Variants in DCC observed in about 807,000 individuals in gnomAD.
The protein encoded by DCC is DCC netrin 1 receptor.
A neutral mutation model predicts 172.5 loss-of-function variants in DCC; 58 were observed. The ratio of observed to expected loss-of-function variants is 0.34; its 90% confidence interval spans 0.27 to 0.42. The LOEUF (loss-of-function observed/expected upper bound fraction) is 0.42. Ranked by LOEUF, DCC falls within the 10% of genes least tolerant of loss-of-function variation. DCC has a pLI of 1.00. For synonymous variants in DCC, 709 were observed against 644.5 expected (o/e 1.10, Z -1.52); for missense variants, 1,740 against 1,791.0 (o/e 0.97, Z 0.51).
chr18:52,438,862 T>G (rs1234080857), intron 1 of DCC, among the ~76,000 whole-genome samples: 1 of 152,102 alleles, frequency 6.6e-6, no homozygotes, highest in Admixed American at 6.5e-5. Context: ...TTTAGGTAAA[T>G]TACTTATAGT....
chr18:53,093,373 G>A (rs2043041232), intron 7 of DCC, among the ~76,000 whole-genome samples: 1 of 152,122 alleles, frequency 6.6e-6, no homozygotes, highest in African/African-American at 2.4e-5. Flanking sequence ...CTATTGCATA[G>A]CACATCTTAT....
rs562073060 is a variant in DCC at position 52,898,221 on chromosome 18, T to C, written c.413-7823T>C. 1.2e-3 allele frequency among the ~76,000 whole-genome samples: 189 copies of C among 152,338 alleles called. 1 individual carries two copies. The highest frequency in any genetic ancestry group is 4.3e-3 in the African/African-American group (179 of 41,580). The stretch of plus-strand genomic sequence containing the variant: ...GTCTGTCCCCCAATTGATAAGTCTC[T>C]TTTTATTAAATGAACTTTAATTACT... On this transcript the variant is annotated intron_variant, in intron 2 of 28. Transcript: ENST00000442544.
At chr18:53,146,545 A>C (rs905459205) in intron 7 of DCC, among the ~76,000 whole-genome samples, 1 of 152,218 alleles carries the variant, frequency 6.6e-6, no homozygotes, top group Non-Finnish European at 1.5e-5. Flanking sequence ...AAGGCCATAC[A>C]TCCCAATACT....
Position 52,508,977 on chromosome 18 carries a change from C to T in DCC, c.91+168099C>T, listed in dbSNP as rs555666402. ...GCGACTGGCGTCACTGACTGAAATG[C>T]GGGTCTTCAATTTTATTTCACTTTA... On this transcript the variant is annotated intron_variant, in intron 1 of 28. Transcript: ENST00000442544. Among the ~76,000 whole-genome samples, 506 of 152,276 alleles carry T rather than the reference C, an allele frequency of 3.3e-3. 2 individuals carry two copies. Among genetic ancestry groups the T allele is most frequent in the Non-Finnish European group, 5.8e-3 (395 of 68,016 alleles).
chr18:52,759,822 C>A (rs2037130824), intron 2 of DCC, among the ~76,000 whole-genome samples: 1 of 152,052 alleles, frequency 6.6e-6, no homozygotes, highest in African/African-American at 2.4e-5. Context: ...AAAAGCATAA[C>A]AAATTTATTT....
At chr18:52,342,280 CGTGT>C (rs10535247) in intron 1 of DCC, among the ~76,000 whole-genome samples, 47,398 of 150,160 alleles carry the variant, frequency 0.32, 7,479 homozygotes, top group East Asian at 0.46. Flanking sequence ...TGTGTGTGTG[CGTGT>C]GTGTGTGTGT....
At chr18:53,410,321 G>A (rs1909905899) in intron 19 of DCC, 131 bp from the exon 20 acceptor site, 2 of 689,858 alleles carry the variant, frequency 2.9e-6, no homozygotes, top group South Asian at 3.2e-5. Flanking sequence ...ATTACTTACA[G>A]AACTGCTGTA....
intron 5 of DCC, among the ~76,000 whole-genome samples, chr18:53,024,744 T>G (rs934916316): frequency 2.6e-5 from 4 of 152,118 alleles, no homozygotes; most frequent in African/African-American, 7.2e-5. Context: ...CCTTGTAAAA[T>G]AGGTAAGTAT....
intron 1 of DCC, among the ~76,000 whole-genome samples, chr18:52,597,102 T>C (rs2033924146): frequency 7.1e-6 from 1 of 140,996 alleles, no homozygotes; most frequent in African/African-American, 2.5e-5. Context: ...GGTGAAATTC[T>C]TTCTATTTTT....
chr18:53,398,939 C>G (rs1183732365), intron 18 of DCC, among the ~76,000 whole-genome samples: 1 of 152,080 alleles, frequency 6.6e-6, no homozygotes, highest in Non-Finnish European at 1.5e-5. Flanking sequence ...GAAGGAAATT[C>G]AGTGAATAAA....
chr18:52,360,543 C>G (rs1210848537), intron 1 of DCC, among the ~76,000 whole-genome samples: 1 of 152,182 alleles, frequency 6.6e-6, no homozygotes, highest in Admixed American at 6.5e-5. Flanking sequence ...AACCATGTAG[C>G]GTGGTCTTGC....
At chr18:52,637,394 A>G (rs906290952) in intron 1 of DCC, among the ~76,000 whole-genome samples, 2 of 152,224 alleles carry the variant, frequency 1.3e-5, no homozygotes, top group African/African-American at 4.8e-5. Context: ...GACAAAGCCA[A>G]ATGCAAGGAA....
chr18:53,109,596 C>T (rs970181768), intron 7 of DCC, among the ~76,000 whole-genome samples: 2 of 131,054 alleles, frequency 1.5e-5, no homozygotes, highest in African/African-American at 5.5e-5. Context: ...CTCCTTCCTT[C>T]CTTCCTTCTT....
chr18:53,419,271 G>A (rs1441675880), intron 21 of DCC, among the ~76,000 whole-genome samples: 1 of 152,116 alleles, frequency 6.6e-6, no homozygotes, highest in African/African-American at 2.4e-5. Context: ...ATCCCTTGAA[G>A]CATTTATCTG....
chr18:53,335,892 A>G (rs2057586109), intron 14 of DCC, among the ~76,000 whole-genome samples: 1 of 152,090 alleles, frequency 6.6e-6, no homozygotes, highest in Non-Finnish European at 1.5e-5. Context: ...TGTGCAGGGA[A>G]AGTCCCCTTT....
chr18:53,350,896 T>C (rs1157196049), intron 15 of DCC, among the ~76,000 whole-genome samples: 1 of 151,942 alleles, frequency 6.6e-6, no homozygotes, highest in Admixed American at 6.6e-5. Flanking sequence ...TAGAAAATCT[T>C]GACTGACAGA....
chr18:52,690,993 A>G (rs2035921752), intron 1 of DCC, among the ~76,000 whole-genome samples: 1 of 152,130 alleles, frequency 6.6e-6, no homozygotes, highest in Non-Finnish European at 1.5e-5. Flanking sequence ...TCCAGGGAAT[A>G]GTCATATTAT....
chr18:52,846,977 C>T (rs534220792), intron 2 of DCC, among the ~76,000 whole-genome samples: 11 of 152,198 alleles, frequency 7.2e-5, no homozygotes, highest in African/African-American at 2.6e-4. Context: ...GCCTGCCTGA[C>T]TTCAATATGT....
intron 1 of DCC, among the ~76,000 whole-genome samples, chr18:52,469,560 C>A (rs1207076543): frequency 2.0e-5 from 3 of 152,054 alleles, no homozygotes; most frequent in African/African-American, 7.3e-5. Context: ...AAAAGAAATA[C>A]AGTCTAATAA....
Sources: allele counts gnomAD v4.1 joint callset (sites outside exome capture counted in the v4.1 genomes callset), GRCh38; gene constraint gnomAD v4.1.1; transcripts MANE v1.5; gene names NCBI Gene and HGNC (gene_info 2026-07-23, HGNC 2026-07-21).